CREBBP: variants seen among roughly 807,000 people sequenced by gnomAD.
CREBBP encodes the protein CREB-binding protein.
Under a neutral mutation model 265.0 loss-of-function variants are expected in CREBBP, and 19 were observed. The observed-to-expected ratio is 0.07, with a 90% CI of 0.05 to 0.11. The LOEUF (loss-of-function observed/expected upper bound fraction) is 0.11. CREBBP is among the 10% of genes least tolerant of loss of function. The pLI is 1.00. For missense variants in CREBBP, 2,525 were observed against 3,219.0 expected (o/e 0.78, Z 5.22); for synonymous variants, 1,457 against 1,223.7 (o/e 1.19, Z -3.98).
rs1193335086 is a variant in CREBBP, at chr16:3,729,047, C to G, written c.6000G>C (p.Leu2000=). Residue 2000 remains leucine, a synonymous_variant, in exon 31 of 31, where the codon CTG becomes CTC. Coordinates refer to ENST00000262367, the MANE Select transcript of CREBBP (RefSeq NM_004380.3). The part of the protein sequence containing the change: ...TPGSQMAPVS[L]NVPRPNQVSG... ...TCACCTGGTTGGGTCGGGGCACATT[C>G]AGGCTCACGGGGGCCATCTGGCTCC... is the stretch of plus-strand genomic sequence containing the variant. 3.8e-6 allele frequency: 6 copies of G among 1,586,846 alleles called. No individual in the cohort carries two copies. The highest frequency in any genetic ancestry group is 5.1e-6 in the Non-Finnish European group (6 of 1,172,132).
intron 23 of CREBBP, chr16:3,742,232 C>G (rs543361729): frequency 2.0e-5 from 3 of 152,278 alleles, no homozygotes; most frequent in African/African-American, 7.2e-5. Context: ...GGGGTCTAGG[C>G]GCAGGCCGTG....
chr16:3,821,825 T>C (rs528730556), intron 2 of CREBBP, among the ~76,000 whole-genome samples: 19 of 151,920 alleles, frequency 1.3e-4, no homozygotes. Context: ...AGGTCAGGAG[T>C]TGGAGACCCG....
intron 2 of CREBBP, among the ~76,000 whole-genome samples, chr16:3,824,364 A>G (rs1026372699): frequency 1.3e-5 from 2 of 152,228 alleles, no homozygotes; most frequent in Non-Finnish European, 2.9e-5. Flanking sequence ...TCTCTAATCA[A>G]ATAATCTAAA....
intron 2 of CREBBP, among the ~76,000 whole-genome samples, chr16:3,831,002 G>A (rs138885141): frequency 1.5e-3 from 226 of 152,252 alleles, no homozygotes; most frequent in African/African-American, 5.1e-3. Context: ...TGGCCAGGCT[G>A]GTCTAAAACT....
chr16:3,880,345 A>G lies in CREBBP; in HGVS notation c.-429T>C. 1 of 131,360 alleles carries G rather than the reference A, an allele frequency of 7.6e-6. No homozygotes were observed. Among genetic ancestry groups the G allele is most frequent in the Non-Finnish European group, 1.6e-5 (1 of 60,766 alleles). The allele number at this position is 131,360 out of a possible 1,614,324, so 8.1% of individuals were successfully genotyped here. ...TCGCTCCCCCCCCGCGCCCCACTTA[A>G]TGAATTCGCTCGCGGCCCGACGACG... On this transcript the variant is annotated 5_prime_UTR_variant, in exon 1 of 31. Transcript: ENST00000262367.
intron 2 of CREBBP, among the ~76,000 whole-genome samples, chr16:3,820,988 C>T (rs948600027): frequency 4.6e-5 from 7 of 152,106 alleles, no homozygotes; most frequent in Non-Finnish European, 7.4e-5. Context: ...CAGTTAGAGA[C>T]GCTGGTTCCC....
Position 3,800,178 on chromosome 16 carries a change from G to A in CREBBP, c.976-6552C>T, listed in dbSNP as rs138603591. ...CTGCTACCCAGGCTGAAGTGAAGTA[G>A]TGCAATCATGGCTCACACAGTCTCA... is the stretch of plus-strand genomic sequence containing the variant. On this transcript the variant is annotated intron_variant, in intron 3 of 30. Coordinates refer to ENST00000262367, the MANE Select transcript of CREBBP (RefSeq NM_004380.3). Among the ~76,000 whole-genome samples the A allele has an allele frequency of 3.9e-5, 6 of 152,292 alleles. No homozygotes were observed. In the East Asian group the frequency reaches 1.2e-3, roughly 29 times the overall value.
chr16:3,776,559 G>A (rs1370211142), intron 11 of CREBBP, among the ~76,000 whole-genome samples: 1 of 152,082 alleles, frequency 6.6e-6, no homozygotes, highest in Non-Finnish European at 1.5e-5. Flanking sequence ...AGCCCGTGCC[G>A]TCCCCATTTC....
rs986966024 is a variant in CREBBP at position 3,725,691 on chromosome 16, C to G, written c.*2027G>C. 8.6e-6 allele frequency: 2 copies of G among 233,198 alleles called. No homozygotes were observed. The highest frequency in any genetic ancestry group is 1.7e-5 in the Non-Finnish European group (2 of 118,064). The allele number at this position is 233,198 out of a possible 1,614,324, so 14.4% of individuals were successfully genotyped here. On this transcript the variant is annotated 3_prime_UTR_variant, in exon 31 of 31. Coordinates refer to ENST00000262367, the MANE Select transcript of CREBBP (RefSeq NM_004380.3). ...ATAACTCAAGGTTCAAAGCTCTGTGCTAAAACTAGATCGGACCTTTCCAAC... is the reference window on the plus strand; with the variant it reads ...ATAACTCAAGGTTCAAAGCTCTGTGGTAAAACTAGATCGGACCTTTCCAAC...
chr16:3,868,929 G>A (rs373999856), intron 1 of CREBBP, among the ~76,000 whole-genome samples: 76 of 152,214 alleles, frequency 5.0e-4, no homozygotes, highest in South Asian at 1.7e-3. Flanking sequence ...ACTGGATCCC[G>A]GGCCGACCAA....
chr16:3,872,781 G>A (rs933081679), intron 1 of CREBBP, among the ~76,000 whole-genome samples: 7 of 152,210 alleles, frequency 4.6e-5, no homozygotes, highest in African/African-American at 9.7e-5. Context: ...CATGGTCAGG[G>A]TGCTTTTCCC....
At chr16:3,764,143 C>CT (rs1025217982) in intron 16 of CREBBP, among the ~76,000 whole-genome samples, 6 of 151,586 alleles carry the variant, frequency 4.0e-5, no homozygotes, top group East Asian at 1.9e-4. Context: ...AATTTTTCTT[C>CT]TTTTTTTTGG....
In CREBBP at chr16:3,880,372, G is replaced by A. The variant is rs1157461994; in HGVS notation, c.-456C>T. ...GAATTCGCTCGCGGCCCGACGACGA[G>A]GGGGCTCCGGGCTCCGCTCCCGGCC... On this transcript the variant is annotated 5_prime_UTR_variant, in exon 1 of 31. Coordinates refer to ENST00000262367, the MANE Select transcript of CREBBP (RefSeq NM_004380.3). 7.1e-6 allele frequency: 1 copy of A among 141,706 alleles called. No homozygotes were observed. Among genetic ancestry groups the A allele is most frequent in the East Asian group, 2.1e-4 (1 of 4,736 alleles). The allele number at this position is 141,706 out of a possible 1,614,324, so 8.8% of individuals were successfully genotyped here.
At chr16:3,858,287 C>T (rs2055004294) in intron 1 of CREBBP, among the ~76,000 whole-genome samples, 1 of 152,162 alleles carries the variant, frequency 6.6e-6, no homozygotes, top group African/African-American at 2.4e-5. Flanking sequence ...AGCCATCAGC[C>T]AAAGTATCCA....
At chr16:3,758,725 C>A (rs919550262) in intron 17 of CREBBP, 129 bp downstream of exon 17, 1 of 790,504 alleles carries the variant, frequency 1.3e-6, no homozygotes, top group African/African-American at 1.7e-5. Context: ...TAACAGACAA[C>A]AGTTTTTTAT....
At chr16:3,757,718 C>G (rs1228234298) in intron 18 of CREBBP, 91 bp downstream of exon 18, 23 of 1,550,768 alleles carry the variant, frequency 1.5e-5, no homozygotes, top group Non-Finnish European at 1.9e-5. Context: ...TATGCACTCC[C>G]AGTATACAGG....
In CREBBP at chr16:3,731,094, T is replaced by A. The variant is rs533921611; in HGVS notation, c.5172+98A>T. On this transcript the variant is annotated intron_variant, in intron 30 of 30. Transcript: ENST00000262367. This position sits in a 1 kb window ranked among gnomAD's most constrained non-coding sequence, Gnocchi z 7.7. ...TCTGGAGGAGTCAGTGCAGCCACCATCAGGTACAGACACCAACCCGGGCAC... is the reference window on the plus strand; with the variant it reads ...TCTGGAGGAGTCAGTGCAGCCACCAACAGGTACAGACACCAACCCGGGCAC... 7.9e-7 allele frequency: 1 copy of A among 1,268,440 alleles called. No homozygotes were observed. 78.6% of individuals were successfully genotyped at this position (1,268,440 alleles called of 1,614,324 possible). A position where few individuals can be genotyped will look rare whatever the true frequency, so the allele number is the denominator to read the frequency against.
intron 2 of CREBBP, among the ~76,000 whole-genome samples, chr16:3,845,765 T>C (rs929282708): frequency 1.3e-5 from 2 of 151,750 alleles, no homozygotes; most frequent in African/African-American, 4.8e-5. Context: ...TGCGCGCCTG[T>C]AGTCCCAGCT....
chr16:3,748,989 T>C (rs1478833898), intron 21 of CREBBP, among the ~76,000 whole-genome samples: 1 of 151,886 alleles, frequency 6.6e-6, no homozygotes, highest in Non-Finnish European at 1.5e-5. Flanking sequence ...CTACTAAAAA[T>C]ACAAAAAATT....
Sources: allele counts gnomAD v4.1 joint callset (sites outside exome capture counted in the v4.1 genomes callset), GRCh38; gene constraint gnomAD v4.1.1; non-coding constraint Gnocchi (gnomAD v3.1); transcripts MANE v1.5; gene names NCBI Gene and HGNC (gene_info 2026-07-23, HGNC 2026-07-21).